The following MAU2 variants were observed in gnomAD, a reference collection of about 807,000 sequenced individuals.
The protein encoded by MAU2 is MAU2 chromatid cohesion factor homolog.
Under a neutral mutation model 89.1 loss-of-function variants are expected in MAU2, and 9 were observed. That is an observed-to-expected ratio of 0.10 (90% CI 0.06 to 0.18). The LOEUF is 0.18. MAU2 is among the 10% of genes least tolerant of loss of function. MAU2 has a pLI of 1.00. For synonymous variants in MAU2, 357 were observed against 343.4 expected, an observed-to-expected ratio of 1.04 and a Z score of -0.44; for missense variants, 425 against 803.5, an observed-to-expected ratio of 0.53 and a Z score of 5.69.
At chr19:19,335,526 A>G (rs2061589253) in intron 1 of MAU2, among the ~76,000 whole-genome samples, 192 bp from the exon 2 acceptor site, 1 of 152,094 alleles carries the variant, frequency 6.6e-6, no homozygotes, top group Non-Finnish European at 1.5e-5. Context: ...CTGGGGCTCT[A>G]TAGCTTCCAT....
intron 1 of MAU2, among the ~76,000 whole-genome samples, chr19:19,328,287 C>G (rs184847283): frequency 6.6e-6 from 1 of 151,050 alleles, no homozygotes; most frequent in East Asian, 1.9e-4. Context: ...AGTTTTCATT[C>G]TTCTCCTCTC....
chr19:19,324,341 G>C (rs537280724), intron 1 of MAU2, among the ~76,000 whole-genome samples: 19 of 152,328 alleles, frequency 1.2e-4, no homozygotes, highest in African/African-American at 2.2e-4. Context: ...GGGACTGGCA[G>C]ATGGTATCAG....
At chr19:19,331,447 A>AG (rs1568652237) in intron 1 of MAU2, among the ~76,000 whole-genome samples, 1 of 151,432 alleles carries the variant, frequency 6.6e-6, no homozygotes, top group Non-Finnish European at 1.5e-5. Flanking sequence ...GCTTGCAGTG[A>AG]GCTGAGATCG....
chr19:19,336,166 G>T lies in MAU2; in HGVS notation c.339G>T (p.Leu113Phe). Reference sequence around the variant, plus strand: ...TTAAATTTGAAGCAGCAAGTCTGTTGTCTGAATTGTACTGTCAAGAGGTAA... The same window carrying T: ...TTAAATTTGAAGCAGCAAGTCTGTTTTCTGAATTGTACTGTCAAGAGGTAA... ...EDVKFEAASLLSELYCQENSV... is the reference protein window; with the variant it reads ...EDVKFEAASLFSELYCQENSV... The change falls in exon 3 of 19, where the codon TTG becomes TTT. Residue 113 changes from leucine (L) to phenylalanine (F), a missense_variant. By Grantham distance (22) the Leu-to-Phe change is conservative (BLOSUM62 0). Coordinates refer to ENST00000262815, the MANE Select transcript of MAU2 (RefSeq NM_015329.4). The T allele has an allele frequency of 6.2e-7, 1 of 1,613,272 alleles. No individual in the cohort carries two copies. The highest frequency in any genetic ancestry group is 8.5e-7 in the Non-Finnish European group (1 of 1,179,318).
At chr19:19,330,686 G>A (rs2146664177) in intron 1 of MAU2, among the ~76,000 whole-genome samples, 1 of 152,268 alleles carries the variant, frequency 6.6e-6, no homozygotes, top group South Asian at 2.1e-4. Context: ...GGTGCCATGA[G>A]CCAAGATCAC....
chr19:19,355,370 C>G lies in MAU2; in HGVS notation c.1746C>G (p.Leu582=), dbSNP rs1252675991. 1 of 1,614,054 alleles carries G rather than the reference C, an allele frequency of 6.2e-7. No homozygotes were observed. The highest frequency in any genetic ancestry group is 8.5e-7 in the Non-Finnish European group (1 of 1,179,972). The change falls in exon 18 of 19, where the codon CTC becomes CTG. Residue 582 remains leucine, a synonymous_variant. Transcript: ENST00000262815. The stretch of plus-strand genomic sequence containing the variant: ...AGGACCACATTGAGGCCTGCAGCCT[C>G]CCCGAACACAACCTCATCACGGTAC... The part of the protein sequence containing the change: ...LLQDHIEACS[L]PEHNLITWTD...
intron 1 of MAU2, chr19:19,334,576 A>G: frequency 1.0e-6 from 1 of 985,410 alleles, no homozygotes; most frequent in Non-Finnish European, 1.2e-6. Context: ...TGCATCCAGG[A>G]TGGTCTGAAA....
At chr19:19,341,087 G>C (rs1464196209) in intron 6 of MAU2, among the ~76,000 whole-genome samples, 165 bp from the exon 7 acceptor site, 4 of 152,220 alleles carry the variant, frequency 2.6e-5, no homozygotes, top group African/African-American at 9.6e-5. Flanking sequence ...TCATGCTGAG[G>C]CAAGAGCCTG....
intron 9 of MAU2, among the ~76,000 whole-genome samples, 176 bp from the exon 10 acceptor site, chr19:19,343,661 C>T (rs1183575787): frequency 4.6e-5 from 7 of 152,232 alleles, no homozygotes; most frequent in Admixed American, 2.6e-4. Flanking sequence ...CGTCTCCCCA[C>T]CTGGACAGCA....
intron 2 of MAU2, 145 bp downstream of exon 2, chr19:19,335,880 C>T: frequency 1.1e-6 from 1 of 916,768 alleles, no homozygotes. Context: ...CCCCACCTGG[C>T]CCTCTGCTGC....
rs1337629923 is a variant in MAU2, at chr19:19,357,589, CT to C, written c.*1810del. ...TTCATCCCCATCTATTTATTTAAGC[CT>C]TTCTTTGCTTGTAGGGCATTTTGTA... On this transcript the variant is annotated 3_prime_UTR_variant, in exon 19 of 19. Coordinates refer to ENST00000262815, the MANE Select transcript of MAU2 (RefSeq NM_015329.4). The C allele has an allele frequency of 6.6e-6, 1 of 152,492 alleles. No homozygotes were observed. Among genetic ancestry groups the C allele is most frequent in the Non-Finnish European group, 1.5e-5 (1 of 68,054 alleles). The allele number at this position is 152,492 out of a possible 1,614,324, so 9.4% of individuals were successfully genotyped here. A position where few individuals can be genotyped will look rare whatever the true frequency, so the allele number is the denominator to read the frequency against.
Position 19,347,300 on chromosome 19 carries a change from G to A in MAU2, c.1242G>A (p.Leu414=), listed in dbSNP as rs1331682911. 1 of 1,613,768 alleles carries A rather than the reference G, an allele frequency of 6.2e-7. No homozygotes were observed. Among genetic ancestry groups the A allele is most frequent in the African/African-American group, 1.3e-5 (1 of 74,886 alleles). Residue 414 remains leucine, a synonymous_variant, in exon 13 of 19, where the codon CTG becomes CTA. Coordinates refer to ENST00000262815, the MANE Select transcript of MAU2 (RefSeq NM_015329.4). ...TCCAGCTCACCAACCACCAGGAGCT[G>A]TGGGCCTTCATCGTCACCAACCTGG... ...TALRLTNHQE[L]WAFIVTNLAS...
At position 19,345,002 on chromosome 19, in the gene MAU2, C is replaced by T; in HGVS notation, c.1155+76C>T. The T allele has an allele frequency of 7.3e-7, 1 of 1,371,944 alleles. No individual in the cohort carries two copies. The highest frequency in any genetic ancestry group is 1.0e-6 in the Non-Finnish European group (1 of 973,564). 85.0% of individuals were successfully genotyped at this position (1,371,944 alleles called of 1,614,324 possible). ...AGTAAGTACCTAACCAGATCCAGAA[C>T]ATTCCCAGTGAAGGACCCCCTGACA... On this transcript the variant is annotated intron_variant, in intron 11 of 18. Coordinates refer to ENST00000262815, the MANE Select transcript of MAU2 (RefSeq NM_015329.4). The surrounding 1 kb of genome is among the most constrained non-coding windows in gnomAD (Gnocchi z 4.9).
At chr19:19,333,911 C>T (rs960499574) in intron 1 of MAU2, among the ~76,000 whole-genome samples, 1 of 152,162 alleles carries the variant, frequency 6.6e-6, no homozygotes, top group Admixed American at 6.5e-5. Flanking sequence ...GTCTGAAGAG[C>T]TCCCCCTTGC....
rs763822437 is a variant in MAU2 at position 19,321,180 on chromosome 19, C to G, written c.276+45C>G. On this transcript the variant is annotated intron_variant, in intron 1 of 18. Transcript: ENST00000262815. ...CGAGGGAGGAGTCGCGGGCTCCTTG[C>G]AAGATCTGGGCTGACGGGTCGCGAC... 32 of 1,533,490 alleles carry G rather than the reference C, an allele frequency of 2.1e-5. No individual in the cohort carries two copies. The South Asian group carries it at 3.9e-4, about 19-fold the overall frequency. 95.0% of individuals were successfully genotyped at this position (1,533,490 alleles called of 1,614,324 possible).
intron 9 of MAU2, among the ~76,000 whole-genome samples, chr19:19,343,391 A>G (rs1396189967): frequency 6.6e-6 from 1 of 152,164 alleles, no homozygotes; most frequent in Non-Finnish European, 1.5e-5. Context: ...AGGCAGCCCA[A>G]AGCCGGATAG....
chr19:19,338,854 A>G lies in MAU2; in HGVS notation c.466A>G (p.Thr156Ala). The G allele has an allele frequency of 6.2e-7, 1 of 1,613,086 alleles. No homozygotes were observed. The highest frequency in any genetic ancestry group is 8.5e-7 in the Non-Finnish European group (1 of 1,179,644). ...TCTCTTTCCTTTTTAGCAACTGCAC[A>G]CGCTTGAGAAGGACCTGGTGTCGGC... Reference protein sequence around the residue: ...RLLFQLAQLHTLEKDLVSACD... With the variant: ...RLLFQLAQLHALEKDLVSACD... Residue 156 changes from threonine (T) to alanine (A), a missense_variant, in exon 5 of 19, where the codon ACG (threonine) becomes GCG (alanine). Thr to Ala is a moderately conservative substitution (Grantham distance 58, BLOSUM62 0). Coordinates refer to ENST00000262815, the MANE Select transcript of MAU2 (RefSeq NM_015329.4).
chr19:19,345,265 C>A lies in MAU2; in HGVS notation c.1156-39C>A. On this transcript the variant is annotated intron_variant, in intron 11 of 18. Coordinates refer to ENST00000262815, the MANE Select transcript of MAU2 (RefSeq NM_015329.4). The surrounding 1 kb of genome is among the most constrained non-coding windows in gnomAD (Gnocchi z 4.9). Reference sequence around the variant, plus strand: ...CGTGTCTCTGATCTGAGCCCCCTCCCCAGGGGCCGGCCCTGATGACAACAC... The same window carrying A: ...CGTGTCTCTGATCTGAGCCCCCTCCACAGGGGCCGGCCCTGATGACAACAC... 1 of 1,590,628 alleles carries A rather than the reference C, an allele frequency of 6.3e-7. No homozygotes were observed. The highest frequency in any genetic ancestry group is 8.6e-7 in the Non-Finnish European group (1 of 1,159,218).
At chr19:19,337,625 C>A (rs549861942) in intron 4 of MAU2, among the ~76,000 whole-genome samples, 15 of 152,326 alleles carry the variant, frequency 9.8e-5, no homozygotes, top group African/African-American at 3.1e-4. Flanking sequence ...TCATTGAAAT[C>A]CCAGGAACAT....
Sources: gnomAD v4.1 joint callset for allele counts (sites outside exome capture counted in the v4.1 genomes callset) on GRCh38, gnomAD v4.1.1 for gene constraint, Gnocchi (gnomAD v3.1) non-coding constraint, MANE v1.5 for transcripts, NCBI Gene and HGNC (gene_info 2026-07-23, HGNC 2026-07-21) for gene names.